The following PNPLA7 variants were observed in gnomAD, a reference collection of about 807,000 sequenced individuals.
PNPLA7 encodes patatin like domain 7, lysophospholipase, also known as patatin-like phospholipase domain-containing protein 7.
A neutral mutation model predicts 161.7 loss-of-function variants in PNPLA7; 153 were observed. That is an observed-to-expected ratio of 0.95 (90% CI 0.83 to 1.08). The LOEUF (loss-of-function observed/expected upper bound fraction) is 1.08, where lower values mean the gene tolerates loss of function less well. Among genes scored for constraint, PNPLA7 ranks in the 50% least tolerant of loss-of-function variants. The pLI, the probability that PNPLA7 is intolerant of heterozygous loss-of-function variation, is 0.00. For synonymous variants in PNPLA7, 809 were observed against 782.1 expected (o/e 1.03, Z -0.57); for missense variants, 1,739 against 1,856.6 (o/e 0.94, Z 1.16).
chr9:137,462,733 C>G lies in PNPLA7; in HGVS notation c.3444G>C (p.Gly1148=). The change falls in exon 30 of 35, where the codon GGG becomes GGC. Residue 1148 remains glycine, a synonymous_variant. Transcript: ENST00000406427. ...TCCAGCGTTTCCACAGCAGCCACCA[C>G]CCAGACAGCGCATCCCCATAGTTGG... The part of the protein sequence containing the change: ...DLTNYGDALS[G]WWLLWKRWNP... 1 of 1,614,040 alleles carries G rather than the reference C, an allele frequency of 6.2e-7. No homozygotes were observed. The highest frequency in any genetic ancestry group is 1.1e-5 in the South Asian group (1 of 91,086).
chr9:137,498,366 C>A, intron 16 of PNPLA7, 121 bp from the exon 17 acceptor site: 1 of 1,430,014 alleles, frequency 7.0e-7, no homozygotes, highest in East Asian at 2.4e-5. Context: ...AGTAGAGAGA[C>A]CACTGGCAGG....
rs143116568 is a variant in PNPLA7 at position 137,498,204 on chromosome 9, T to C, written c.1799A>G (p.His600Arg). ...GGACGACATCCTCTTCACCACAGTGTGCGCCACACCCAGGACGACGGTCGG... is the reference window on the plus strand; with the variant it reads ...GGACGACATCCTCTTCACCACAGTGCGCGCCACACCCAGGACGACGGTCGG... The part of the protein sequence containing the change: ...KQPTVVLGVA[H>R]TVVKRMSSFV... Residue 600 changes from histidine (H) to arginine (R), a missense_variant, in exon 17 of 35, where the codon CAC (histidine) becomes CGC (arginine). Physicochemically the swap from His to Arg is conservative, Grantham distance 29. Coordinates refer to ENST00000406427, the MANE Select transcript of PNPLA7 (RefSeq NM_001098537.3). The C allele has an allele frequency of 2.9e-4, 466 of 1,612,580 alleles. No individual in the cohort carries two copies. Among genetic ancestry groups the C allele is most frequent in the Admixed American group, 5.3e-4 (32 of 60,008 alleles).
At chr9:137,492,190 C>T (rs1188068195) in intron 20 of PNPLA7, 1 of 985,112 alleles carries the variant, frequency 1.0e-6, no homozygotes, top group Admixed American at 6.2e-5. Context: ...AATGAATATG[C>T]TGGAGCAGGG....
intron 11 of PNPLA7, 102 bp from the exon 12 acceptor site, chr9:137,515,621 C>T (rs968017552): frequency 9.4e-6 from 13 of 1,380,648 alleles, no homozygotes; most frequent in Middle Eastern, 5.3e-4. Flanking sequence ...CCACAGTGCC[C>T]TGCGCACCTG....
Position 137,478,059 on chromosome 9 carries a change from G to T in PNPLA7, c.2857C>A (p.Leu953Met). ...CTTGCTCCCCCTCCCCCAAGCACCA[G>T]GGCAATGGCGTTGCCCGTCAGCACC... ...ARVLTGNAIA[L>M]VLGGGGARGC... The change falls in exon 25 of 35, where the codon CTG becomes ATG. Residue 953 changes from leucine to methionine, a missense_variant. Physicochemically the swap from Leu to Met is conservative, Grantham distance 15 (BLOSUM62 2). This residue lies in a region of PNPLA7 where 703 missense variants were observed against 694.6 expected (regional missense o/e 1.01). Transcript: ENST00000406427. 7.0e-7 allele frequency: 1 copy of T among 1,431,068 alleles called. No homozygotes were observed. Among genetic ancestry groups the T allele is most frequent in the Non-Finnish European group, 9.2e-7 (1 of 1,088,566 alleles). The allele number at this position is 1,431,068 out of a possible 1,614,324, so 88.6% of individuals were successfully genotyped here.
chr9:137,492,148 C>G (rs1832793527), intron 20 of PNPLA7: 2 of 985,114 alleles, frequency 2.0e-6, no homozygotes, highest in Non-Finnish European at 2.4e-6. Context: ...AACAGTGGCT[C>G]CAGAAAAAAG....
chr9:137,475,590 G>T (rs1831912238), intron 25 of PNPLA7, among the ~76,000 whole-genome samples: 1 of 151,962 alleles, frequency 6.6e-6, no homozygotes, highest in African/African-American at 2.4e-5. Context: ...TAGCCAGGCT[G>T]CTCTCAAACT....
At chr9:137,470,452 G>A (rs188568309) in intron 25 of PNPLA7, among the ~76,000 whole-genome samples, 14 of 152,300 alleles carry the variant, frequency 9.2e-5, no homozygotes, top group Admixed American at 6.5e-5. Flanking sequence ...GCTGAGCGCA[G>A]CGGCTCACAC....
At chr9:137,534,678 C>A (rs1835792549) in intron 8 of PNPLA7, among the ~76,000 whole-genome samples, 1 of 152,264 alleles carries the variant, frequency 6.6e-6, no homozygotes, top group Admixed American at 6.5e-5. Context: ...CGAGCCCTGA[C>A]CCCATGCACA....
At position 137,480,435 on chromosome 9, in the gene PNPLA7, G is replaced by T; in HGVS notation, c.2457C>A (p.Asp819Glu). ...CCTGGTAGAGCACGATCCTGTGGGT[G>T]TCCTCCTGCTGCCCCAGCCAGCTGG... is the stretch of plus-strand genomic sequence containing the variant. Reference protein sequence around the residue: ...RLSSWLGQQEDTHRIVLYQAD... With the variant: ...RLSSWLGQQEETHRIVLYQAD... The change falls in exon 23 of 35, where the codon GAC (aspartate) becomes GAA (glutamate). Residue 819 changes from aspartate (D) to glutamate (E), a missense_variant. Asp to Glu is a conservative substitution (Grantham distance 45). Transcript: ENST00000406427. The T allele has an allele frequency of 6.2e-7, 1 of 1,612,878 alleles. No homozygotes were observed.
In PNPLA7 at chr9:137,478,039, T is replaced by TC; in HGVS notation, c.2876dup (p.Ala960SerfsTer38). On this transcript the variant is annotated frameshift_variant, in exon 25 of 35. Coordinates refer to ENST00000406427, the MANE Select transcript of PNPLA7 (RefSeq NM_001098537.3). LOFTEE classifies it high-confidence loss of function. Reference sequence around the variant, plus strand: ...TAGGAAGCGGGGGGACTCACCTTGCTCCCCCTCCCCCAAGCACCAGGGCAA... The same window carrying TC: ...TAGGAAGCGGGGGGACTCACCTTGCTCCCCCCTCCCCCAAGCACCAGGGCAA... 7.0e-7 allele frequency: 1 copy of TC among 1,422,870 alleles called. No individual in the cohort carries two copies. Among genetic ancestry groups the TC allele is most frequent in the Non-Finnish European group, 9.2e-7 (1 of 1,083,992 alleles). 88.1% of individuals were successfully genotyped at this position (1,422,870 alleles called of 1,614,324 possible).
intron 8 of PNPLA7, among the ~76,000 whole-genome samples, chr9:137,533,221 G>A (rs372950795): frequency 2.0e-5 from 3 of 147,628 alleles, no homozygotes; most frequent in Admixed American, 6.7e-5. Context: ...CTCCCCAACA[G>A]TGTCCACTCC....
At position 137,493,078 on chromosome 9, in the gene PNPLA7, AC is replaced by A. The variant is rs1177401443; in HGVS notation, c.2131del (p.Val711Ter). On this transcript the variant is annotated frameshift_variant, in exon 20 of 35. Coordinates refer to ENST00000406427, the MANE Select transcript of PNPLA7 (RefSeq NM_001098537.3). LOFTEE classifies it high-confidence loss of function. ...ACCCAAGAGATGAATCAGCCGAGTC[AC>A]CACCTGCGGGCAGACACAGGAGCCA... ...TSIKRRYPQV[V>X]TRLIHLLGEK... 1.9e-6 allele frequency: 3 copies of A among 1,613,928 alleles called. No individual in the cohort carries two copies. The highest frequency in any genetic ancestry group is 2.5e-6 in the Non-Finnish European group (3 of 1,179,994).
rs915377907 is a variant in PNPLA7 at position 137,543,374 on chromosome 9, C to T, written c.506+58G>A. On this transcript the variant is annotated intron_variant, in intron 6 of 34. Coordinates refer to ENST00000406427, the MANE Select transcript of PNPLA7 (RefSeq NM_001098537.3). The surrounding 1 kb of genome is among the most constrained non-coding windows in gnomAD (Gnocchi z 6.9). ...CGGCCAAGCTGGAGCCAGGCCCCAGCGAGAAGCCCGGGGCTATGGGAGCTG... is the reference window on the plus strand; with the variant it reads ...CGGCCAAGCTGGAGCCAGGCCCCAGTGAGAAGCCCGGGGCTATGGGAGCTG... 63 of 1,607,180 alleles carry T rather than the reference C, an allele frequency of 3.9e-5. No individual in the cohort carries two copies. The highest frequency in any genetic ancestry group is 4.5e-5 in the Non-Finnish European group (53 of 1,176,356).
At position 137,542,699 on chromosome 9, in the gene PNPLA7, C is replaced by T. The variant is rs983772005; in HGVS notation, c.609G>A (p.Pro203=). The T allele has an allele frequency of 2.3e-5, 37 of 1,613,258 alleles. No individual in the cohort carries two copies. The highest frequency in any genetic ancestry group is 4.5e-5 in the East Asian group (2 of 44,888). The change falls in exon 7 of 35, where the codon CCG becomes CCA. Residue 203 remains proline (P), a synonymous_variant. Coordinates refer to ENST00000406427, the MANE Select transcript of PNPLA7 (RefSeq NM_001098537.3). ...EGEHVFQPRE[P]DPSICVVQDG... Reference sequence around the variant, plus strand: ...CCTGCACCACACAGATGCTGGGGTCCGGCTCCCTGGGCTGGAAGACGTGCT... The same window carrying T: ...CCTGCACCACACAGATGCTGGGGTCTGGCTCCCTGGGCTGGAAGACGTGCT...
rs1836781602 is a variant in PNPLA7 at position 137,550,290 on chromosome 9, A to G, written c.-93T>C. The G allele has an allele frequency of 7.2e-7, 1 of 1,386,736 alleles. No homozygotes were observed. The highest frequency in any genetic ancestry group is 1.0e-6 in the Non-Finnish European group (1 of 976,516). The allele number at this position is 1,386,736 out of a possible 1,614,324, so 85.9% of individuals were successfully genotyped here. A position where few individuals can be genotyped will look rare whatever the true frequency, so the allele number is the denominator to read the frequency against. ...TACCCGCTCATGCTCACACCTGGAC[A>G]CTTTTCCCTGGGTTCCTTTCAAGTC... On this transcript the variant is annotated 5_prime_UTR_variant, in exon 1 of 35. Transcript: ENST00000406427.
rs918100505 is a variant in PNPLA7 at position 137,500,286 on chromosome 9, G to A, written c.1757+405C>T. ...TTCCACCTCCGCATCACTGGCTCCC[G>A]ACACGTCAGCCCAGGCTGCAGAGGT... On this transcript the variant is annotated intron_variant, in intron 16 of 34. Transcript: ENST00000406427. This position sits in a 1 kb window ranked among gnomAD's most constrained non-coding sequence, Gnocchi z 5.5. Among the ~76,000 whole-genome samples the A allele has an allele frequency of 2.0e-5, 3 of 152,224 alleles. No individual in the cohort carries two copies. Among genetic ancestry groups the A allele is most frequent in the Non-Finnish European group, 2.9e-5 (2 of 68,040 alleles).
At chr9:137,498,043 G>A (rs578254897) in intron 17 of PNPLA7, 71 bp downstream of exon 17, 35 of 1,570,594 alleles carry the variant, frequency 2.2e-5, no homozygotes, top group East Asian at 6.8e-5. Context: ...CGGTAACCGT[G>A]CTTTGCCCAT....
At chr9:137,517,880 A>T (rs371642077) in intron 11 of PNPLA7, among the ~76,000 whole-genome samples, 25 of 16,816 alleles carry the variant, frequency 1.5e-3, no homozygotes, top group African/African-American at 3.1e-3. Flanking sequence ...ACTCCATCCC[A>T]CACTCACTCA....
Sources: gnomAD v4.1 joint callset for allele counts (sites outside exome capture counted in the v4.1 genomes callset) on GRCh38, gnomAD v4.1.1 for gene constraint, gnomAD v4.1.1 regional missense constraint, Gnocchi (gnomAD v3.1) non-coding constraint, MANE v1.5 for transcripts, NCBI Gene and HGNC (gene_info 2026-07-23, HGNC 2026-07-21) for gene names.